The following ITFG2 variants were observed in gnomAD, a reference collection of about 807,000 sequenced individuals.
ITFG2 encodes integrin alpha FG-GAP repeat containing 2, also known as KICSTOR complex protein ITFG2.
Under a neutral mutation model 54.4 loss-of-function variants are expected in ITFG2, and 36 were observed. The ratio of observed to expected loss-of-function variants is 0.66; its 90% CI spans 0.51 to 0.87. The LOEUF is 0.87. Among genes scored for constraint, ITFG2 ranks in the 40% least tolerant of loss-of-function variants. The pLI, the probability that ITFG2 is intolerant of heterozygous loss-of-function variation, is 0.00. For missense variants in ITFG2, 524 were observed against 576.7 expected (o/e 0.91, Z 0.94); for synonymous variants, 211 against 225.4 (o/e 0.94, Z 0.57).
chr12:2,833,860 T>TG (rs1431664826), upstream of ITFG2, among the ~76,000 whole-genome samples: 3 of 152,206 alleles, frequency 2.0e-5, no homozygotes, highest in Admixed American at 6.5e-5. Context: ...ATGAAGAAAC[T>TG]GAGGCACAGA....
At chr12:2,848,486 C>T (rs555866458) in intron 2 of ITFG2, among the ~76,000 whole-genome samples, 2 of 152,358 alleles carry the variant, frequency 1.3e-5, no homozygotes, top group South Asian at 4.1e-4. Flanking sequence ...AAGTCCTCCA[C>T]ACCCTTCCCC....
chr12:2,845,215 G>T lies in ITFG2; in HGVS notation n.300+4220G>T, dbSNP rs115796714. Among the ~76,000 whole-genome samples, 984 of 152,326 alleles carry T rather than the reference G, an allele frequency of 6.5e-3. 10 individuals are homozygous for T. The highest frequency in any genetic ancestry group is 0.023 in the African/African-American group (947 of 41,566). Reference sequence around the variant, plus strand: ...GAGGCAGCGATGAGTTGGAATGAAGGCTGGAGGGTCGCAGGGAAGCTGGAA... The same window carrying T: ...GAGGCAGCGATGAGTTGGAATGAAGTCTGGAGGGTCGCAGGGAAGCTGGAA... On this transcript the variant is annotated intron_variant and non_coding_transcript_variant, in intron 2 of 3. Coordinates refer to the ITFG2 transcript ENST00000537710. The surrounding 1 kb of genome is among the most constrained non-coding windows in gnomAD (Gnocchi z 4.2).
chr12:2,857,407 C>T, intron 2 of ITFG2: 1 of 279,664 alleles, frequency 3.6e-6, no homozygotes, highest in South Asian at 4.6e-5. Flanking sequence ...ATTAAGAACC[C>T]TCAAAAGGCC....
chr12:2,846,445 G>A (rs2098053559), intron 2 of ITFG2, among the ~76,000 whole-genome samples: 1 of 152,106 alleles, frequency 6.6e-6, no homozygotes, highest in Admixed American at 6.5e-5. Flanking sequence ...GCAGATGGTA[G>A]CCCAGGCCTT....
upstream of ITFG2, chr12:2,835,145 G>T (rs1055136388): frequency 2.1e-6 from 3 of 1,431,630 alleles, no homozygotes; most frequent in Admixed American, 2.9e-5. Flanking sequence ...CAGAGCGGGC[G>T]GTGGATGGGG....
chr12:2,845,086 C>T lies in ITFG2; in HGVS notation n.300+4091C>T, dbSNP rs2098050352. Among the ~76,000 whole-genome samples, 1 of 152,110 alleles carries T rather than the reference C, an allele frequency of 6.6e-6. No individual in the cohort carries two copies. Among genetic ancestry groups the T allele is most frequent in the Non-Finnish European group, 1.5e-5 (1 of 68,028 alleles). On this transcript the variant is annotated intron_variant and non_coding_transcript_variant, in intron 2 of 3. Coordinates refer to the ITFG2 transcript ENST00000537710. The surrounding 1 kb of genome is among the most constrained non-coding windows in gnomAD (Gnocchi z 4.2). ...AGGTGGGCAGCAGCCACTATTGACA[C>T]TGTGTAATGAAAAGAGCAAATGTGT... is the stretch of plus-strand genomic sequence containing the variant.
At position 2,845,289 on chromosome 12, in the gene ITFG2, G is replaced by A. The variant is rs184561467; in HGVS notation, n.300+4294G>A. 2.4e-3 allele frequency among the ~76,000 whole-genome samples: 360 copies of A among 152,274 alleles called. 1 individual carries two copies. Among genetic ancestry groups the A allele is most frequent in the Non-Finnish European group, 3.7e-3 (249 of 68,014 alleles). On this transcript the variant is annotated intron_variant and non_coding_transcript_variant, in intron 2 of 3. Coordinates refer to the ITFG2 transcript ENST00000537710. This position sits in a 1 kb window ranked among gnomAD's most constrained non-coding sequence, Gnocchi z 4.2. ...GCAGAGGGGATCTTGGCTCGAGTTT[G>A]TCATCTCAAGGAGCAGCTATGGGGC...
chr12:2,812,938 G>A (rs940641731), intron 1 of ITFG2, 82 bp downstream of exon 1: 11 of 1,221,486 alleles, frequency 9.0e-6, no homozygotes, highest in African/African-American at 8.8e-5. Context: ...GCCCGAGCGT[G>A]CCACGTGAGC....
chr12:2,837,975 G>C (rs535169571), intron 1 of ITFG2, among the ~76,000 whole-genome samples: 2 of 152,184 alleles, frequency 1.3e-5, no homozygotes, highest in Non-Finnish European at 2.9e-5. Flanking sequence ...GATAAACACG[G>C]AAAGAAAACC....
In ITFG2 at chr12:2,821,490, G is replaced by A. The variant is rs369207713; in HGVS notation, c.794-53G>A. ...GCTGCTGCAGAACACCCCTCTCCCC[G>A]TAGGCTCTGACCTTGCCCTGCCCTT... is the stretch of plus-strand genomic sequence containing the variant. On this transcript the variant is annotated intron_variant, in intron 7 of 11. Transcript: ENST00000228799. 278 of 1,597,412 alleles carry A rather than the reference G, an allele frequency of 1.7e-4. 1 individual carries two copies. Among genetic ancestry groups the A allele is most frequent in the Non-Finnish European group, 2.3e-4 (265 of 1,165,582 alleles).
At position 2,845,874 on chromosome 12, in the gene ITFG2, C is replaced by CTT. The variant is rs113864521; in HGVS notation, n.300+4886_300+4887dup. Reference sequence around the variant, plus strand: ...GCTGAGCTGGGGTGATTTTCTTTTTCTTTTTTTTGTTGAGTTAGGGTCTCA... The same window carrying CTT: ...GCTGAGCTGGGGTGATTTTCTTTTTCTTTTTTTTTTGTTGAGTTAGGGTCTCA... On this transcript the variant is annotated intron_variant and non_coding_transcript_variant, in intron 2 of 3. Transcript: ENST00000537710. This position sits in a 1 kb window ranked among gnomAD's most constrained non-coding sequence, Gnocchi z 4.2. Among the ~76,000 whole-genome samples, 3 of 151,548 alleles carry CTT rather than the reference C, an allele frequency of 2.0e-5. No individual in the cohort carries two copies. Among genetic ancestry groups the CTT allele is most frequent in the Admixed American group, 6.6e-5 (1 of 15,222 alleles).
chr12:2,834,898 C>T (rs1280685926), upstream of ITFG2: 3 of 1,613,946 alleles, frequency 1.9e-6, no homozygotes, highest in Admixed American at 5.0e-5. Context: ...CTCTCTGCTT[C>T]TTCCTGCCTG....
intron 4 of ITFG2, chr12:2,818,705 T>A: frequency 4.0e-6 from 1 of 250,896 alleles, no homozygotes; most frequent in South Asian, 4.7e-5. Context: ...GTAAGATAAT[T>A]AAGTAGTATA....
intron 2 of ITFG2, chr12:2,857,279 A>G: frequency 1.8e-6 from 1 of 540,800 alleles, no homozygotes. Context: ...GCAGAAGAAA[A>G]GCAGGGCAGG....
intron 2 of ITFG2, chr12:2,854,930 G>A (rs878910432): frequency 1.3e-6 from 2 of 1,535,866 alleles, no homozygotes; most frequent in Non-Finnish European, 1.7e-6. Flanking sequence ...ATGTTGCCCT[G>A]GGCATCGAGT....
chr12:2,818,070 C>T (rs775727717), intron 3 of ITFG2, 36 bp from the exon 4 acceptor site: 20 of 1,609,588 alleles, frequency 1.2e-5, no homozygotes, highest in Admixed American at 8.3e-5. Flanking sequence ...AAACTCCCTC[C>T]CCAGTCCATC....
chr12:2,824,186 C>G lies in ITFG2; in HGVS notation c.1337C>G (p.Pro446Arg). ...TGTGCTCCCTCAAGCCTCCAGGATC[C>G]CACCTAGCTGTACTTGCCTCATAGC... is the stretch of plus-strand genomic sequence containing the variant. ...PQCAPSSLQD[P>R]T is the part of the protein sequence containing the mutation. The change falls in exon 12 of 12, where the codon CCC becomes CGC. Residue 446 changes from proline (P) to arginine (R), a missense_variant. Transcript: ENST00000228799. 6 of 1,614,110 alleles carry G rather than the reference C, an allele frequency of 3.7e-6. No homozygotes were observed. The highest frequency in any genetic ancestry group is 5.1e-6 in the Non-Finnish European group (6 of 1,179,966).
chr12:2,820,384 T>G (rs530516097), intron 5 of ITFG2, among the ~76,000 whole-genome samples, 159 bp downstream of exon 5: 131 of 151,940 alleles, frequency 8.6e-4, no homozygotes, highest in Middle Eastern at 3.4e-3. Flanking sequence ...ATCAGGGGCT[T>G]AGGGGAAATT....
At position 2,845,939 on chromosome 12, in the gene ITFG2, C is replaced by T. The variant is rs568694707; in HGVS notation, n.300+4944C>T. ...CTGGTCTGAAACTCCTGGGCTCAAGCGATCCTCCTGCCTCAGCCTCCCAAG... is the reference window on the plus strand; with the variant it reads ...CTGGTCTGAAACTCCTGGGCTCAAGTGATCCTCCTGCCTCAGCCTCCCAAG... On this transcript the variant is annotated intron_variant and non_coding_transcript_variant, in intron 2 of 3. Transcript: ENST00000537710. This position sits in a 1 kb window ranked among gnomAD's most constrained non-coding sequence, Gnocchi z 4.2. Among the ~76,000 whole-genome samples, 13 of 152,188 alleles carry T rather than the reference C, an allele frequency of 8.5e-5. No homozygotes were observed. The highest frequency in any genetic ancestry group is 2.0e-4 in the Admixed American group (3 of 15,292).
Sources: allele counts gnomAD v4.1 joint callset (sites outside exome capture counted in the v4.1 genomes callset), GRCh38; gene constraint gnomAD v4.1.1; non-coding constraint Gnocchi (gnomAD v3.1); transcripts MANE v1.5; gene names NCBI Gene and HGNC (gene_info 2026-07-23, HGNC 2026-07-21).